TMOD2: variants seen among roughly 807,000 people sequenced by gnomAD.
TMOD2 encodes the protein tropomodulin 2.
In TMOD2, 22 loss-of-function variants were observed where a neutral mutation model predicts 39.9. The observed-to-expected ratio is 0.55, with a 90% CI of 0.39 to 0.79. TMOD2 has a LOEUF of 0.79. TMOD2 is among the 30% of genes least tolerant of loss of function. The pLI is 0.00. For missense variants in TMOD2, 386 were observed against 413.3 expected, an observed-to-expected ratio of 0.93 and a Z score of 0.57; for synonymous variants, 123 against 146.1, an observed-to-expected ratio of 0.84 and a Z score of 1.14.
intron 7 of TMOD2, among the ~76,000 whole-genome samples, chr15:51,797,256 C>T (rs143100104): frequency 5.3e-5 from 8 of 152,300 alleles, no homozygotes; most frequent in African/African-American, 1.7e-4. Context: ...GCTTCTGTCA[C>T]AGGTCGCAGC....
intron 1 of TMOD2, among the ~76,000 whole-genome samples, chr15:51,761,724 T>TAAA (rs74717096): frequency 7.2e-6 from 1 of 139,128 alleles, no homozygotes; most frequent in Non-Finnish European, 1.6e-5. Context: ...ACCCTGTCTT[T>TAAA]AAAAAAAAAA....
chr15:51,773,731 A>T lies in TMOD2; in HGVS notation c.303A>T (p.Lys101Asn). 6.2e-7 allele frequency: 1 copy of T among 1,609,278 alleles called. No homozygotes were observed. Among genetic ancestry groups the T allele is most frequent in the Non-Finnish European group, 8.5e-7 (1 of 1,178,670 alleles). The change falls in exon 4 of 10, where the codon AAA (lysine) becomes AAT (asparagine). Residue 101 changes from lysine (K) to asparagine (N), a missense_variant. Physicochemically the swap from Lys to Asn is moderately conservative, Grantham distance 94. Coordinates refer to ENST00000249700, the MANE Select transcript of TMOD2 (RefSeq NM_014548.4). ...TTAAAGGGAGAGTCTTTATCCCTAA[A>T]GAAAAGCCTATAGAAACTCGTAAAG... ...GEKKGRVFIP[K>N]EKPIETRKEE... is the part of the protein sequence containing the mutation.
At chr15:51,757,406 A>G (rs1212282219) in intron 1 of TMOD2, among the ~76,000 whole-genome samples, 1 of 148,070 alleles carries the variant, frequency 6.8e-6, no homozygotes, top group African/African-American at 2.5e-5. Context: ...CGTCTCAAAA[A>G]AAAAAAAAAA....
intron 1 of TMOD2, among the ~76,000 whole-genome samples, chr15:51,757,260 G>GA: frequency 1.3e-5 from 2 of 151,916 alleles, no homozygotes; most frequent in Admixed American, 1.3e-4. Context: ...AAATTAGCTG[G>GA]GCGTGGTGGC....
chr15:51,762,937 TTTTA>T (rs2055791365), intron 1 of TMOD2, among the ~76,000 whole-genome samples: 1 of 152,148 alleles, frequency 6.6e-6, no homozygotes, highest in African/African-American at 2.4e-5. Flanking sequence ...ATTTGTTTAT[TTTTA>T]TTTATTTATT....
At chr15:51,774,714 C>T (rs1396679731) in intron 4 of TMOD2, among the ~76,000 whole-genome samples, 1 of 151,976 alleles carries the variant, frequency 6.6e-6, no homozygotes, top group African/African-American at 2.4e-5. Flanking sequence ...ATGGCGTCAC[C>T]TGGTAAAGAA....
intron 1 of TMOD2, among the ~76,000 whole-genome samples, chr15:51,762,589 A>G (rs912269359): frequency 1.3e-5 from 2 of 152,212 alleles, no homozygotes; most frequent in East Asian, 3.8e-4. Context: ...GTACAGTTTG[A>G]TAAGTTTTGA....
At chr15:51,767,792 TAAGG>T (rs753709200) in intron 2 of TMOD2, among the ~76,000 whole-genome samples, 1 of 152,202 alleles carries the variant, frequency 6.6e-6, no homozygotes, top group Non-Finnish European at 1.5e-5. Context: ...TTTTTTAAAT[TAAGG>T]AAGGAATCTG....
chr15:51,766,017 A>G (rs1432386332), intron 1 of TMOD2, among the ~76,000 whole-genome samples: 1 of 151,924 alleles, frequency 6.6e-6, no homozygotes, highest in African/African-American at 2.4e-5. Flanking sequence ...GAGTAGTATA[A>G]GGGAAAAGCA....
At chr15:51,808,137 G>A (rs955668172) in intron 9 of TMOD2, among the ~76,000 whole-genome samples, 9 of 152,138 alleles carry the variant, frequency 5.9e-5, no homozygotes, top group African/African-American at 2.2e-4. Context: ...TAGTCAAAGT[G>A]CACTGTTTCA....
At chr15:51,807,970 A>G (rs771004639) in intron 9 of TMOD2, among the ~76,000 whole-genome samples, 33 of 152,214 alleles carry the variant, frequency 2.2e-4, no homozygotes, top group Admixed American at 3.3e-4. Context: ...AGAAGTTTTT[A>G]TTTAGAAGAG....
intron 1 of TMOD2, among the ~76,000 whole-genome samples, chr15:51,759,573 A>G (rs1481254949): frequency 1.3e-5 from 2 of 152,092 alleles, no homozygotes; most frequent in African/African-American, 4.8e-5. Flanking sequence ...TAGAAGAAAA[A>G]CCATCTATGT....
intron 9 of TMOD2, 110 bp from the exon 10 acceptor site, chr15:51,808,310 C>A: frequency 1.3e-6 from 1 of 769,204 alleles, no homozygotes; most frequent in Non-Finnish European, 2.1e-6. Context: ...TTTAAGATAA[C>A]TGTATCCTCA....
chr15:51,762,316 C>T (rs779528753), intron 1 of TMOD2, among the ~76,000 whole-genome samples: 1 of 151,602 alleles, frequency 6.6e-6, no homozygotes, highest in Non-Finnish European at 1.5e-5. Flanking sequence ...AAAAATAGCC[C>T]GGCATGGTGG....
At chr15:51,752,541 G>A (rs2055713289) in intron 1 of TMOD2, 1 of 152,196 alleles carries the variant, frequency 6.6e-6, no homozygotes, top group African/African-American at 2.4e-5. Context: ...GATCGGGGGA[G>A]GTGTTTTAAA....
Position 51,814,447 on chromosome 15 carries a change from C to T in TMOD2, c.*5993C>T, listed in dbSNP as rs1266361619. The T allele has an allele frequency of 6.6e-6, 1 of 152,228 alleles. No individual in the cohort carries two copies. Among genetic ancestry groups the T allele is most frequent in the Admixed American group, 6.5e-5 (1 of 15,274 alleles). 9.4% of individuals were successfully genotyped at this position (152,228 alleles called of 1,614,324 possible). Reference sequence around the variant, plus strand: ...TGCTAAGAAAGGTTTTGAAGCATGGCCTCCAATGACTTTCATAAGCCCTTG... The same window carrying T: ...TGCTAAGAAAGGTTTTGAAGCATGGTCTCCAATGACTTTCATAAGCCCTTG... On this transcript the variant is annotated 3_prime_UTR_variant, in exon 10 of 10. Coordinates refer to ENST00000249700, the MANE Select transcript of TMOD2 (RefSeq NM_014548.4).
At chr15:51,768,211 A>C (rs2055828906) in intron 2 of TMOD2, 51 bp from the exon 3 acceptor site, 3 of 1,608,404 alleles carry the variant, frequency 1.9e-6, no homozygotes, top group Non-Finnish European at 1.7e-6. Flanking sequence ...GAAGTAGCAA[A>C]GTACAGGCCG....
At chr15:51,791,779 C>T (rs1027752088) in intron 7 of TMOD2, among the ~76,000 whole-genome samples, 6 of 152,108 alleles carry the variant, frequency 3.9e-5, no homozygotes, top group Non-Finnish European at 7.4e-5. Context: ...TTAATAAATG[C>T]TCTTGGGAAA....
intron 1 of TMOD2, among the ~76,000 whole-genome samples, chr15:51,763,890 T>A (rs2055798253): frequency 6.6e-6 from 1 of 152,220 alleles, no homozygotes; most frequent in East Asian, 1.9e-4. Flanking sequence ...GTATGCATTT[T>A]AGAATCCATT....
Sources: gnomAD v4.1 joint callset for allele counts (sites outside exome capture counted in the v4.1 genomes callset) on GRCh38, gnomAD v4.1.1 for gene constraint, MANE v1.5 for transcripts, NCBI Gene and HGNC (gene_info 2026-07-23, HGNC 2026-07-21) for gene names.